MFSD2B: variants seen among roughly 807,000 people sequenced by gnomAD.
MFSD2B encodes the protein sphingosine-1-phosphate transporter MFSD2B.
MFSD2B carries 56 observed loss-of-function variants against 58.4 expected under a neutral mutation model. That is an observed-to-expected ratio of 0.96 (90% CI 0.77 to 1.20). The LOEUF (loss-of-function observed/expected upper bound fraction) is 1.20. Ranked by LOEUF, MFSD2B falls within the 50% of genes most tolerant of loss-of-function variation. The pLI is 0.00. For synonymous variants in MFSD2B, 287 were observed against 294.4 expected (o/e 0.97, Z 0.26); for missense variants, 645 against 667.6 (o/e 0.97, Z 0.37).
In MFSD2B at chr2:24,022,462, T is replaced by A; in HGVS notation, c.924T>A (p.Cys308Ter). The A allele has an allele frequency of 6.2e-7, 1 of 1,613,322 alleles. No individual in the cohort carries two copies. The highest frequency in any genetic ancestry group is 8.5e-7 in the Non-Finnish European group (1 of 1,179,702). ...AGCAGAGCTACCTGGTCCTGTTCTG[T>A]ACACATGCCTCCCAGCTACACGACC... ...QVEQSYLVLF[C>*]THASQLHDHV... Residue 308 changes from cysteine to a stop codon, truncating the protein, a stop_gained, in exon 9 of 14, where the codon TGT becomes TGA. Transcript: ENST00000338315. LOFTEE classifies it high-confidence loss of function. The surrounding 1 kb of genome is among the most constrained non-coding windows in gnomAD (Gnocchi z 4.5).
rs1662811305 is a variant in MFSD2B at position 24,022,050 on chromosome 2, T to C, written c.894+80T>C. On this transcript the variant is annotated intron_variant, in intron 8 of 13. Coordinates refer to ENST00000338315, the MANE Select transcript of MFSD2B (RefSeq NM_001346880.2). This position sits in a 1 kb window ranked among gnomAD's most constrained non-coding sequence, Gnocchi z 4.5. ...ATAGGTTCAGGGTGCAGTCTTGGCTTGAGTTTTATAGGGAGAAACCTGCGG... is the reference window on the plus strand; with the variant it reads ...ATAGGTTCAGGGTGCAGTCTTGGCTCGAGTTTTATAGGGAGAAACCTGCGG... The C allele has an allele frequency of 2.0e-5, 31 of 1,557,104 alleles. No individual in the cohort carries two copies. The South Asian group carries it at 3.5e-4, about 18-fold the overall frequency.
chr2:24,023,482 A>G lies in MFSD2B; in HGVS notation c.1170-101A>G, dbSNP rs936110574. 7.2e-7 allele frequency: 1 copy of G among 1,397,660 alleles called. No homozygotes were observed. The highest frequency in any genetic ancestry group is 1.4e-5 in the South Asian group (1 of 73,824). The allele number at this position is 1,397,660 out of a possible 1,614,324, so 86.6% of individuals were successfully genotyped here. ...TGGTGGCCAGTCTGGTCCTGGGCAC[A>G]GAACTCAGGGATGAATCCACTTTGG... is the stretch of plus-strand genomic sequence containing the variant. On this transcript the variant is annotated intron_variant, in intron 11 of 13. Coordinates refer to ENST00000338315, the MANE Select transcript of MFSD2B (RefSeq NM_001346880.2). This position sits in a 1 kb window ranked among gnomAD's most constrained non-coding sequence, Gnocchi z 5.0.
At chr2:24,016,563 G>C (rs1046965865) in intron 3 of MFSD2B, among the ~76,000 whole-genome samples, 4 of 152,188 alleles carry the variant, frequency 2.6e-5, no homozygotes, top group Non-Finnish European at 4.4e-5. Context: ...GGCCATGCGA[G>C]GCCTCACGGA....
At chr2:24,014,699 A>G (rs1709077526) in intron 2 of MFSD2B, among the ~76,000 whole-genome samples, 1 of 152,224 alleles carries the variant, frequency 6.6e-6, no homozygotes, top group South Asian at 2.1e-4. Flanking sequence ...GTATATATAC[A>G]TATGTATCTG....
At position 24,026,606 on chromosome 2, in the gene MFSD2B, G is replaced by C. The variant is rs1662985553; in HGVS notation, c.*1150G>C. On this transcript the variant is annotated 3_prime_UTR_variant, in exon 14 of 14. Transcript: ENST00000338315. ...AATGGAGCCTCCACTTCCAAACGAA[G>C]GGTTTCAGAGAGCTTCTAGGTTGGT... The C allele has an allele frequency of 6.6e-6, 1 of 152,186 alleles. No homozygotes were observed. The highest frequency in any genetic ancestry group is 2.4e-5 in the African/African-American group (1 of 41,432). 9.4% of individuals were successfully genotyped at this position (152,186 alleles called of 1,614,324 possible). A position where few individuals can be genotyped will look rare whatever the true frequency, so the allele number is the denominator to read the frequency against.
At chr2:24,011,823 G>A (rs56189707) in intron 1 of MFSD2B, among the ~76,000 whole-genome samples, 17,129 of 152,142 alleles carry the variant, frequency 0.11, 1,043 homozygotes, top group South Asian at 0.13. Context: ...TATAGCAGGC[G>A]GTAAGTACAA....
chr2:24,013,028 C>T lies in MFSD2B; in HGVS notation c.97-257C>T, dbSNP rs182823903. On this transcript the variant is annotated intron_variant, in intron 1 of 13. Transcript: ENST00000338315. Reference sequence around the variant, plus strand: ...GCCGTGCTGACTCAGTAAATGATGGCGGCTTCAGCAGGAAGCCCAGGGTAA... The same window carrying T: ...GCCGTGCTGACTCAGTAAATGATGGTGGCTTCAGCAGGAAGCCCAGGGTAA... 141 of 337,734 alleles carry T rather than the reference C, an allele frequency of 4.2e-4. 1 individual carries two copies. Among genetic ancestry groups the T allele is most frequent in the Admixed American group, 4.3e-5 (1 of 23,502 alleles). 20.9% of individuals were successfully genotyped at this position (337,734 alleles called of 1,614,324 possible). A position where few individuals can be genotyped will look rare whatever the true frequency, so the allele number is the denominator to read the frequency against.
chr2:24,012,277 GTC>G lies in MFSD2B; in HGVS notation c.97-1004_97-1003del, dbSNP rs1558318940. On this transcript the variant is annotated intron_variant, in intron 1 of 13. Coordinates refer to ENST00000338315, the MANE Select transcript of MFSD2B (RefSeq NM_001346880.2). The surrounding 1 kb of genome is among the most constrained non-coding windows in gnomAD (Gnocchi z 4.5). ...TATTTATTTATTTATTTATGACTGA[GTC>G]TCTGTCACCCAGGCTGGAGTGCAGT... Among the ~76,000 whole-genome samples the G allele has an allele frequency of 6.6e-6, 1 of 151,894 alleles. No individual in the cohort carries two copies. The highest frequency in any genetic ancestry group is 1.5e-5 in the Non-Finnish European group (1 of 67,990).
In MFSD2B at chr2:24,021,667, C is replaced by T. The variant is rs1163388210; in HGVS notation, c.701C>T (p.Ala234Val). The change falls in exon 7 of 14, where the codon GCG becomes GTG. Residue 234 changes from alanine (A) to valine (V), a missense_variant. Physicochemically the swap from Ala to Val is moderately conservative, Grantham distance 64 (BLOSUM62 0). Coordinates refer to ENST00000338315, the MANE Select transcript of MFSD2B (RefSeq NM_001346880.2). The surrounding 1 kb of genome is among the most constrained non-coding windows in gnomAD (Gnocchi z 5.7). Reference sequence around the variant, plus strand: ...CCACAGGCCCATCTCTACTGCATTGCGGCTGCCGTGGTTGTAGTGACTTAC... The same window carrying T: ...CCACAGGCCCATCTCTACTGCATTGTGGCTGCCGTGGTTGTAGTGACTTAC... ...SPNAAHLYCI[A>V]AAVVVVTYPV... 7.4e-6 allele frequency: 12 copies of T among 1,612,826 alleles called. No homozygotes were observed. The highest frequency in any genetic ancestry group is 3.3e-5 in the South Asian group (3 of 90,762).
chr2:24,014,431 G>C (rs533071524), intron 2 of MFSD2B, among the ~76,000 whole-genome samples: 3 of 152,304 alleles, frequency 2.0e-5, no homozygotes, highest in African/African-American at 7.2e-5. Context: ...TGGGATTACA[G>C]GCGTGAGCCA....
rs189345289 is a variant in MFSD2B, at chr2:24,017,608, A to G, written c.681+20A>G. 2 of 1,533,900 alleles carry G rather than the reference A, an allele frequency of 1.3e-6. No individual in the cohort carries two copies. The highest frequency in any genetic ancestry group is 4.9e-5 in the East Asian group (2 of 40,942). On this transcript the variant is annotated intron_variant, in intron 6 of 13. Coordinates refer to ENST00000338315, the MANE Select transcript of MFSD2B (RefSeq NM_001346880.2). The surrounding 1 kb of genome is among the most constrained non-coding windows in gnomAD (Gnocchi z 4.8). ...AATGCAGTAAGTGCACTGGGTGGCA[A>G]GGCCCCCCAACCTGGGGTCCCCTCT...
chr2:24,016,234 TTCA>T lies in MFSD2B; in HGVS notation c.305_307del (p.Ile102del). 6.2e-7 allele frequency: 1 copy of T among 1,613,982 alleles called. No homozygotes were observed. The highest frequency in any genetic ancestry group is 1.1e-5 in the South Asian group (1 of 91,084). On this transcript the variant is annotated inframe_deletion, in exon 3 of 14. Transcript: ENST00000338315. ...GGCTGCTGACCCTGTGGCTGGGTTC[TTCA>T]TCAACAGGAGCCAGAGGACAGGGTC...
chr2:24,016,991 C>T (rs751134632), intron 4 of MFSD2B, 23 bp downstream of exon 4: 21 of 1,612,714 alleles, frequency 1.3e-5, no homozygotes, highest in Non-Finnish European at 1.8e-5. Flanking sequence ...CCTTCCTGGG[C>T]CTGTGCTCTG....
At position 24,024,272 on chromosome 2, in the gene MFSD2B, GT is replaced by G; in HGVS notation, c.1490+2del. 1.3e-6 allele frequency: 2 copies of G among 1,599,108 alleles called. No individual in the cohort carries two copies. Among genetic ancestry groups the G allele is most frequent in the Non-Finnish European group, 1.7e-6 (2 of 1,173,782 alleles). ...CCTCCAGCCGGCTGAGCCTTCGGAG[GT>G]AAGCCCCGCACGCCCCCTGCAGCCA... On this transcript the variant is annotated splice_donor_variant, in intron 13 of 13. Transcript: ENST00000338315. LOFTEE classifies it high-confidence loss of function. The surrounding 1 kb of genome is among the most constrained non-coding windows in gnomAD (Gnocchi z 4.3).
chr2:24,024,026 T>G lies in MFSD2B; in HGVS notation c.1314-69T>G. ...GGAGGGGGTGGGGTGGGGTGAGGTGTCGAGTCCCTCCACCCAGGGTGCCAG... is the reference window on the plus strand; with the variant it reads ...GGAGGGGGTGGGGTGGGGTGAGGTGGCGAGTCCCTCCACCCAGGGTGCCAG... On this transcript the variant is annotated intron_variant, in intron 12 of 13. Coordinates refer to ENST00000338315, the MANE Select transcript of MFSD2B (RefSeq NM_001346880.2). This position sits in a 1 kb window ranked among gnomAD's most constrained non-coding sequence, Gnocchi z 4.3. The G allele has an allele frequency of 6.7e-7, 1 of 1,495,166 alleles. No individual in the cohort carries two copies. Among genetic ancestry groups the G allele is most frequent in the Non-Finnish European group, 9.2e-7 (1 of 1,087,362 alleles). 92.6% of individuals were successfully genotyped at this position (1,495,166 alleles called of 1,614,324 possible).
Position 24,022,157 on chromosome 2 carries a change from C to T in MFSD2B, c.894+187C>T, listed in dbSNP as rs140235480. Among the ~76,000 whole-genome samples, 394 of 152,086 alleles carry T rather than the reference C, an allele frequency of 2.6e-3. No homozygotes were observed. The highest frequency in any genetic ancestry group is 4.1e-3 in the Non-Finnish European group (277 of 67,956). On this transcript the variant is annotated intron_variant, in intron 8 of 13. Transcript: ENST00000338315. The surrounding 1 kb of genome is among the most constrained non-coding windows in gnomAD (Gnocchi z 4.5). The stretch of plus-strand genomic sequence containing the variant: ...GGAATGGAGGGCCAGGGCCTGGGCA[C>T]TAGGAGGCTGACAATGTCTGGGCGG...
Position 24,021,548 on chromosome 2 carries a change from C to T in MFSD2B, c.682-100C>T. The T allele has an allele frequency of 1.8e-6, 2 of 1,109,604 alleles. No individual in the cohort carries two copies. Among genetic ancestry groups the T allele is most frequent in the Non-Finnish European group, 2.7e-6 (2 of 753,438 alleles). The allele number at this position is 1,109,604 out of a possible 1,614,324, so 68.7% of individuals were successfully genotyped here. A position where few individuals can be genotyped will look rare whatever the true frequency, so the allele number is the denominator to read the frequency against. ...GCGTCCTGGGCTTGGGTTGTGCCTC[C>T]CTCCGCTCCCACTGGGAGGCAGTAC... On this transcript the variant is annotated intron_variant, in intron 6 of 13. Transcript: ENST00000338315. The surrounding 1 kb of genome is among the most constrained non-coding windows in gnomAD (Gnocchi z 5.7).
chr2:24,018,078 C>A (rs971773518), intron 6 of MFSD2B, among the ~76,000 whole-genome samples: 1 of 152,086 alleles, frequency 6.6e-6, no homozygotes, highest in Admixed American at 6.6e-5. Flanking sequence ...CAGCACTGGG[C>A]GGACACACCT....
At position 24,020,662 on chromosome 2, in the gene MFSD2B, C is replaced by T. The variant is rs978301176; in HGVS notation, c.682-986C>T. On this transcript the variant is annotated intron_variant, in intron 6 of 13. Coordinates refer to ENST00000338315, the MANE Select transcript of MFSD2B (RefSeq NM_001346880.2). This position sits in a 1 kb window ranked among gnomAD's most constrained non-coding sequence, Gnocchi z 4.1. The stretch of plus-strand genomic sequence containing the variant: ...GCAACCTCGACCTCCCAGACTCAAG[C>T]GATTCTGCCACCTCAGCCTCCCTAG... Among the ~76,000 whole-genome samples, 2 of 152,206 alleles carry T rather than the reference C, an allele frequency of 1.3e-5. No homozygotes were observed. The highest frequency in any genetic ancestry group is 3.9e-4 in the East Asian group (2 of 5,170).
Sources: gnomAD v4.1 joint callset for allele counts (sites outside exome capture counted in the v4.1 genomes callset) on GRCh38, gnomAD v4.1.1 for gene constraint, Gnocchi (gnomAD v3.1) non-coding constraint, MANE v1.5 for transcripts, NCBI Gene and HGNC (gene_info 2026-07-23, HGNC 2026-07-21) for gene names.